Variants in KIF21A observed in about 807,000 individuals in gnomAD.
The protein encoded by KIF21A is kinesin family member 21A.
KIF21A carries 114 observed loss-of-function variants against 202.9 expected under a neutral mutation model. The observed-to-expected ratio is 0.56, with a 90% CI of 0.48 to 0.66. The LOEUF is 0.66. Among genes scored for constraint, KIF21A ranks in the 30% least tolerant of loss-of-function variants. KIF21A has a pLI of 0.00. For missense variants in KIF21A, 1,677 were observed against 1,994.9 expected (o/e 0.84, Z 3.04); for synonymous variants, 667 against 670.8 (o/e 0.99, Z 0.09).
intron 23 of KIF21A, 137 bp downstream of exon 23, chr12:39,330,609 G>C (rs117042053): frequency 3.7e-6 from 3 of 803,132 alleles, no homozygotes; most frequent in Non-Finnish European, 4.0e-6. Flanking sequence ...GCAAATTAAA[G>C]AAAGAATAAT....
chr12:39,382,015 T>A (rs1252307102), intron 1 of KIF21A, among the ~76,000 whole-genome samples: 1 of 152,202 alleles, frequency 6.6e-6, no homozygotes, highest in Non-Finnish European at 1.5e-5. Context: ...GGGACCTCAG[T>A]CATATAAGCA....
chr12:39,387,642 T>A (rs1244462898), intron 1 of KIF21A, among the ~76,000 whole-genome samples: 1 of 152,098 alleles, frequency 6.6e-6, no homozygotes, highest in Non-Finnish European at 1.5e-5. Flanking sequence ...ACTTATACAA[T>A]GGATACAGTA....
intron 26 of KIF21A, 92 bp from the exon 27 acceptor site, chr12:39,322,974 T>A: frequency 1.0e-6 from 1 of 962,296 alleles, no homozygotes; most frequent in Non-Finnish European, 1.6e-6. Flanking sequence ...TTGAAATAGG[T>A]AAAACATTTA....
intron 1 of KIF21A, among the ~76,000 whole-genome samples, chr12:39,436,801 A>C (rs1938860790): frequency 1.3e-5 from 2 of 152,162 alleles, no homozygotes; most frequent in Non-Finnish European, 2.9e-5. Context: ...CACTCTGAGA[A>C]GATTAAATAG....
rs1375030733 is a variant in KIF21A, at chr12:39,349,068, G to A, written c.1674-2564C>T. Among the ~76,000 whole-genome samples the A allele has an allele frequency of 2.0e-5, 3 of 151,934 alleles. No individual in the cohort carries two copies. The East Asian group carries it at 5.8e-4, about 29-fold the overall frequency. On this transcript the variant is annotated intron_variant, in intron 11 of 37. Transcript: ENST00000361418. ...GGTAGGGCAGAATTACGTGAGAACT[G>A]GACCACATAAGGGAGGAACGGATCA... is the stretch of plus-strand genomic sequence containing the variant.
chr12:39,403,652 T>C (rs1477331399), intron 1 of KIF21A, among the ~76,000 whole-genome samples: 1 of 152,200 alleles, frequency 6.6e-6, no homozygotes, highest in Non-Finnish European at 1.5e-5. Flanking sequence ...TACAGGCTTT[T>C]TATGAAGATA....
chr12:39,375,729 A>T (rs144693672), intron 1 of KIF21A, among the ~76,000 whole-genome samples: 8 of 152,120 alleles, frequency 5.3e-5, no homozygotes, highest in Non-Finnish European at 1.2e-4. Flanking sequence ...GTCACTATTT[A>T]TGATACAGTA....
At chr12:39,308,591 G>C (rs1051087035) in intron 33 of KIF21A, among the ~76,000 whole-genome samples, 2 of 152,050 alleles carry the variant, frequency 1.3e-5, no homozygotes, top group African/African-American at 4.8e-5. Flanking sequence ...ATCATAGATG[G>C]AGTATCTAAG....
chr12:39,330,943 T>C (rs929459302), intron 22 of KIF21A, 32 bp from the exon 23 acceptor site: 5 of 1,608,452 alleles, frequency 3.1e-6, no homozygotes, highest in Non-Finnish European at 4.3e-6. Flanking sequence ...TCTTAGGTCA[T>C]ACGAAACAGG....
At chr12:39,326,118 T>A (rs937849563) in intron 25 of KIF21A, 146 bp downstream of exon 25, 2 of 721,108 alleles carry the variant, frequency 2.8e-6, no homozygotes, top group African/African-American at 1.8e-5. Context: ...TGACTTAACT[T>A]GGTTTCTATT....
intron 31 of KIF21A, among the ~76,000 whole-genome samples, chr12:39,314,519 G>GTA (rs1475017677): frequency 6.6e-6 from 1 of 151,718 alleles, no homozygotes; most frequent in African/African-American, 2.4e-5. Flanking sequence ...AAATATATAT[G>GTA]TATATATAGG....
intron 20 of KIF21A, 65 bp from the exon 21 acceptor site, chr12:39,332,473 A>AGCCCC: frequency 1.3e-6 from 1 of 787,546 alleles, no homozygotes; most frequent in Non-Finnish European, 2.0e-6. Flanking sequence ...GTACCATCAA[A>AGCCCC]CCCCCCCACC....
At chr12:39,373,034 T>C (rs1461727044) in intron 1 of KIF21A, among the ~76,000 whole-genome samples, 1 of 152,192 alleles carries the variant, frequency 6.6e-6, no homozygotes, top group African/African-American at 2.4e-5. Context: ...TTACTTAGAA[T>C]ATTGCAAAGT....
chr12:39,295,403 T>C (rs950824198), intron 37 of KIF21A, among the ~76,000 whole-genome samples: 1 of 152,140 alleles, frequency 6.6e-6, no homozygotes, highest in Non-Finnish European at 1.5e-5. Flanking sequence ...AAGAAGAGTT[T>C]CCATGGAATT....
intron 27 of KIF21A, chr12:39,321,710 T>C (rs1945281962): frequency 6.6e-6 from 1 of 152,208 alleles, no homozygotes; most frequent in Non-Finnish European, 1.5e-5. Context: ...AAAATGGCTA[T>C]TCAAGTTTGG....
chr12:39,412,718 A>C (rs75377590), intron 1 of KIF21A, among the ~76,000 whole-genome samples: 1 of 151,828 alleles, frequency 6.6e-6, no homozygotes, highest in Admixed American at 6.6e-5. Flanking sequence ...ACCCTGTCTC[A>C]AAAAAACAGA....
At chr12:39,373,477 C>T (rs1367078039) in intron 1 of KIF21A, among the ~76,000 whole-genome samples, 1 of 152,164 alleles carries the variant, frequency 6.6e-6, no homozygotes, top group African/African-American at 2.4e-5. Flanking sequence ...ACCTCATTAA[C>T]TCCAAGTCTC....
At chr12:39,348,335 A>G (rs1013626681) in intron 11 of KIF21A, among the ~76,000 whole-genome samples, 20 of 152,144 alleles carry the variant, frequency 1.3e-4, no homozygotes, top group African/African-American at 4.3e-4. Context: ...GATATGCCAC[A>G]TAGTTTAATT....
At position 39,359,013 on chromosome 12, in the gene KIF21A, G is replaced by A. The variant is rs1024794296; in HGVS notation, c.1020-640C>T. On this transcript the variant is annotated intron_variant, in intron 7 of 37. Transcript: ENST00000361418. The stretch of plus-strand genomic sequence containing the variant: ...ATGCCCCATTATGTTTGTATGTTAT[G>A]TTTGTAAATAAAGCAGACATGGAGA... 1.7e-4 allele frequency among the ~76,000 whole-genome samples: 26 copies of A among 152,226 alleles called. No individual in the cohort carries two copies. The East Asian group carries it at 4.8e-3, about 28-fold the overall frequency.
Sources: allele counts gnomAD v4.1 joint callset (sites outside exome capture counted in the v4.1 genomes callset), GRCh38; gene constraint gnomAD v4.1.1; transcripts MANE v1.5; gene names NCBI Gene and HGNC (gene_info 2026-07-23, HGNC 2026-07-21).